The following SLC4A10 variants were observed in gnomAD, a reference collection of about 807,000 sequenced individuals.
SLC4A10 encodes the protein solute carrier family 4 member 10, also known as sodium-driven chloride bicarbonate exchanger.
Under a neutral mutation model 137.7 loss-of-function variants are expected in SLC4A10, and 42 were observed. That is an observed-to-expected ratio of 0.30 (90% CI 0.24 to 0.39). SLC4A10 has a LOEUF of 0.39. SLC4A10 is among the 10% of genes least tolerant of loss of function. SLC4A10 has a pLI of 1.00. For missense variants in SLC4A10, 925 were observed against 1,355.0 expected, an observed-to-expected ratio of 0.68 and a Z score of 4.98; for synonymous variants, 474 against 464.1, an observed-to-expected ratio of 1.02 and a Z score of -0.27.
intron 3 of SLC4A10, among the ~76,000 whole-genome samples, chr2:161,819,356 C>A (rs2057412599): frequency 6.6e-6 from 1 of 151,884 alleles, no homozygotes; most frequent in African/African-American, 2.4e-5. Flanking sequence ...CTTTTAATGC[C>A]CACAAATAAG....
chr2:161,905,500 A>T, intron 14 of SLC4A10, 142 bp from the exon 15 acceptor site: 1 of 1,209,226 alleles, frequency 8.3e-7, no homozygotes, highest in Non-Finnish European at 1.1e-6. Context: ...CCTGCTTTAG[A>T]CAGTCTTGAG....
intron 23 of SLC4A10, among the ~76,000 whole-genome samples, chr2:161,967,432 A>T (rs1697795313): frequency 6.6e-6 from 1 of 152,248 alleles, no homozygotes; most frequent in South Asian, 2.1e-4. Flanking sequence ...ATAAAAATTC[A>T]TCAAGTATAC....
chr2:161,947,785 A>C (rs1424709248), intron 17 of SLC4A10, 58 bp downstream of exon 17: 1 of 1,546,788 alleles, frequency 6.5e-7, no homozygotes, highest in Non-Finnish European at 8.7e-7. Context: ...AGAAAGAGTA[A>C]TTGATGTAAT....
chr2:161,917,061 G>A (rs1345095612), intron 15 of SLC4A10, among the ~76,000 whole-genome samples: 1 of 151,970 alleles, frequency 6.6e-6, no homozygotes, highest in Admixed American at 6.6e-5. Flanking sequence ...CCACCTCCTG[G>A]CAACCACTGA....
intron 2 of SLC4A10, among the ~76,000 whole-genome samples, chr2:161,772,138 A>T (rs1366632785): frequency 6.6e-6 from 1 of 151,870 alleles, no homozygotes; most frequent in African/African-American, 2.4e-5. Flanking sequence ...GGTTATGCTT[A>T]CTGGGGGGGC....
At chr2:161,631,984 A>T (rs1445824814) in intron 1 of SLC4A10, among the ~76,000 whole-genome samples, 1 of 151,770 alleles carries the variant, frequency 6.6e-6, no homozygotes, top group East Asian at 1.9e-4. Context: ...TGCTCTAAGG[A>T]TCTAATAAGC....
Position 161,865,124 on chromosome 2 carries a change from T to C in SLC4A10, c.766+2062T>C, listed in dbSNP as rs563379331. 1.2e-4 allele frequency among the ~76,000 whole-genome samples: 19 copies of C among 152,252 alleles called. 1 individual carries two copies. In the South Asian group the frequency reaches 1.5e-3, roughly 12 times the overall value. Reference sequence around the variant, plus strand: ...ACTAGTTAAAATTTATACCTTAAATTTCATTGGAGATAATGTTTACTATAA... The same window carrying C: ...ACTAGTTAAAATTTATACCTTAAATCTCATTGGAGATAATGTTTACTATAA... On this transcript the variant is annotated intron_variant, in intron 6 of 26. Transcript: ENST00000446997.
chr2:161,720,203 G>A (rs1352765213), intron 1 of SLC4A10, among the ~76,000 whole-genome samples: 2 of 152,148 alleles, frequency 1.3e-5, no homozygotes, highest in Non-Finnish European at 2.9e-5. Flanking sequence ...TCAGATAGTT[G>A]TAGATATGCA....
intron 1 of SLC4A10, among the ~76,000 whole-genome samples, chr2:161,648,803 C>T (rs2036413688): frequency 6.6e-6 from 1 of 152,184 alleles, no homozygotes; most frequent in South Asian, 2.1e-4. Flanking sequence ...GTTGATTGAT[C>T]TATCTCATTG....
intron 2 of SLC4A10, among the ~76,000 whole-genome samples, chr2:161,774,479 T>C (rs2052061708): frequency 6.6e-6 from 1 of 151,852 alleles, no homozygotes; most frequent in Non-Finnish European, 1.5e-5. Flanking sequence ...ACTGAGGTAT[T>C]TATTTCCTCA....
intron 23 of SLC4A10, among the ~76,000 whole-genome samples, chr2:161,973,151 C>A (rs1455202771): frequency 6.6e-6 from 1 of 152,124 alleles, no homozygotes; most frequent in African/African-American, 2.4e-5. Flanking sequence ...TTTTTTCTTT[C>A]ATCAGTTTCC....
At chr2:161,833,004 T>A (rs934195216) in intron 3 of SLC4A10, among the ~76,000 whole-genome samples, 14 of 152,224 alleles carry the variant, frequency 9.2e-5, no homozygotes, top group African/African-American at 7.2e-5. Flanking sequence ...TCTCCCAAAG[T>A]GCAGTGTTGG....
chr2:161,918,886 G>C (rs937137815), intron 15 of SLC4A10, among the ~76,000 whole-genome samples: 15 of 152,196 alleles, frequency 9.9e-5, no homozygotes, highest in Non-Finnish European at 1.9e-4. Context: ...CGCGCCTTCT[G>C]AGTTGGTGGG....
intron 1 of SLC4A10, among the ~76,000 whole-genome samples, chr2:161,749,888 GTCT>G (rs2048782208): frequency 6.6e-6 from 1 of 151,698 alleles, no homozygotes. Context: ...AAGCCATCTT[GTCT>G]TCTTTGTTGG....
In SLC4A10 at chr2:161,648,200, CTT is replaced by C. The variant is rs35645243; in HGVS notation, c.48+23645_48+23646del. On this transcript the variant is annotated intron_variant, in intron 1 of 26. Transcript: ENST00000446997. ...ATGTCTGGAATCTTAATGTGGTCAACTTTTTTTTTTTTCTGTTACTCTGTGAA... is the reference window on the plus strand; with the variant it reads ...ATGTCTGGAATCTTAATGTGGTCAACTTTTTTTTTTCTGTTACTCTGTGAA... 6.8e-4 allele frequency among the ~76,000 whole-genome samples: 102 copies of C among 149,510 alleles called. No homozygotes were observed. In the East Asian group the frequency reaches 9.8e-3, roughly 14 times the overall value.
Position 161,804,501 on chromosome 2 carries a change from CCATCGACGT to C in SLC4A10, c.186_194del (p.Arg64_Arg66del). On this transcript the variant is annotated inframe_deletion, in exon 3 of 27. Transcript: ENST00000446997. Reference sequence around the variant, plus strand: ...ATGTGCCCTTGGGAGGAAGAAAAAGCCATCGACGTCACAGGCATCGTGGTCATAAACACA... The same window carrying C: ...ATGTGCCCTTGGGAGGAAGAAAAAGCCACAGGCATCGTGGTCATAAACACA... 6.2e-7 allele frequency: 1 copy of C among 1,612,846 alleles called. No homozygotes were observed. The highest frequency in any genetic ancestry group is 1.1e-5 in the South Asian group (1 of 90,992).
chr2:161,762,804 T>C (rs972682001), intron 1 of SLC4A10, among the ~76,000 whole-genome samples: 7 of 152,030 alleles, frequency 4.6e-5, no homozygotes, highest in African/African-American at 1.7e-4. Context: ...TTCTATGAAG[T>C]ATTTTAACGT....
chr2:161,842,348 A>G (rs370031262), intron 4 of SLC4A10, among the ~76,000 whole-genome samples: 30 of 152,190 alleles, frequency 2.0e-4, no homozygotes, highest in African/African-American at 6.5e-4. Flanking sequence ...ACAGTAAATT[A>G]TCAAACTGCT....
intron 3 of SLC4A10, among the ~76,000 whole-genome samples, chr2:161,828,788 A>G (rs1255378323): frequency 8.8e-6 from 1 of 113,914 alleles, no homozygotes; most frequent in Non-Finnish European, 1.8e-5. Flanking sequence ...ATATATATAT[A>G]TATATATATA....
Sources: gnomAD v4.1 joint callset for allele counts (sites outside exome capture counted in the v4.1 genomes callset) on GRCh38, gnomAD v4.1.1 for gene constraint, MANE v1.5 for transcripts, NCBI Gene and HGNC (gene_info 2026-07-23, HGNC 2026-07-21) for gene names.